The following TMCO1 variants were observed in gnomAD, a reference collection of about 807,000 sequenced individuals.
TMCO1 encodes calcium load-activated calcium channel.
In TMCO1, 29 loss-of-function variants were observed where a neutral mutation model predicts 29.3. The observed-to-expected ratio is 0.99, with a 90% CI of 0.74 to 1.35. The LOEUF is 1.35. Ranked by LOEUF, TMCO1 falls within the 40% of genes most tolerant of loss-of-function variation. The probability of loss-of-function intolerance (pLI) is 0.00; values close to 1 mark genes in which losing one functional copy is unlikely to be tolerated. For synonymous variants in TMCO1, 80 were observed against 77.1 expected, an observed-to-expected ratio of 1.04 and a Z score of -0.20; for missense variants, 173 against 225.5, an observed-to-expected ratio of 0.77 and a Z score of 1.49.
downstream of TMCO1, chr1:165,725,079 T>G (rs1327008393): frequency 2.5e-6 from 1 of 400,284 alleles, no homozygotes; most frequent in East Asian, 7.2e-5. Context: ...AGTATATTTT[T>G]GAGATTTTTC....
Position 165,768,737 on chromosome 1 carries a change from G to C in TMCO1, c.15C>G (p.Phe5Leu). The change falls in exon 1 of 7, where the codon TTC (phenylalanine) becomes TTG (leucine). Residue 5 changes from phenylalanine (F) to leucine (L), a missense_variant. Phe to Leu is a conservative substitution (Grantham distance 22). Coordinates refer to ENST00000367881, the MANE Select transcript of TMCO1 (RefSeq NM_019026.6). Reference protein sequence around the residue: MSTMFADTLLIVFIS... With the variant: MSTMLADTLLIVFIS... ...TAAAAACGATGAGGAGAGTGTCCGC[G>C]AACATAGTGCTCATCTCGCACCTTC... The C allele has an allele frequency of 6.2e-7, 1 of 1,614,134 alleles. No homozygotes were observed. The highest frequency in any genetic ancestry group is 8.5e-7 in the Non-Finnish European group (1 of 1,180,024).
chr1:165,765,555 T>C (rs986812859), intron 2 of TMCO1, among the ~76,000 whole-genome samples: 2 of 152,252 alleles, frequency 1.3e-5, no homozygotes, highest in East Asian at 3.8e-4. Context: ...GTGCTGGGAT[T>C]ACAGGCCTGA....
At chr1:165,730,234 G>T (rs987793760) in intron 6 of TMCO1, among the ~76,000 whole-genome samples, 2 of 151,844 alleles carry the variant, frequency 1.3e-5, no homozygotes, top group Non-Finnish European at 2.9e-5. Flanking sequence ...TACTCAGGAG[G>T]CTGAGGCAGG....
chr1:165,729,759 A>T (rs912698007), intron 6 of TMCO1, among the ~76,000 whole-genome samples: 3 of 152,222 alleles, frequency 2.0e-5, no homozygotes, highest in African/African-American at 7.2e-5. Context: ...CTAAATTAAG[A>T]GCACAGTTAG....
chr1:165,761,253 G>C (rs910662826), intron 2 of TMCO1, among the ~76,000 whole-genome samples: 9 of 152,088 alleles, frequency 5.9e-5, no homozygotes, highest in African/African-American at 1.7e-4. Flanking sequence ...GTAAGATACA[G>C]GCCAGGCATG....
chr1:165,727,115 G>A lies in TMCO1; in HGVS notation c.*908C>T. The A allele has an allele frequency of 2.2e-6, 1 of 453,960 alleles. No individual in the cohort carries two copies. The highest frequency in any genetic ancestry group is 4.4e-6 in the Non-Finnish European group (1 of 226,764). The allele number at this position is 453,960 out of a possible 1,614,324, so 28.1% of individuals were successfully genotyped here. ...ACAAACATCCTTCTCCCTTATGAAGGGGCATGGCAGAAAATGAAGGCTATT... is the reference window on the plus strand; with the variant it reads ...ACAAACATCCTTCTCCCTTATGAAGAGGCATGGCAGAAAATGAAGGCTATT... On this transcript the variant is annotated 3_prime_UTR_variant, in exon 7 of 7. Coordinates refer to ENST00000367881, the MANE Select transcript of TMCO1 (RefSeq NM_019026.6).
intron 6 of TMCO1, among the ~76,000 whole-genome samples, chr1:165,740,807 G>A (rs1031367513): frequency 1.3e-5 from 2 of 152,110 alleles, no homozygotes; most frequent in East Asian, 1.9e-4. Flanking sequence ...TCTGGTTCTC[G>A]CTCTTGCCTT....
chr1:165,734,425 A>G (rs1047903966), intron 6 of TMCO1, among the ~76,000 whole-genome samples: 1 of 152,178 alleles, frequency 6.6e-6, no homozygotes, highest in African/African-American at 2.4e-5. Flanking sequence ...AAGAGGGTTG[A>G]CTAGATCAAT....
intron 3 of TMCO1, among the ~76,000 whole-genome samples, chr1:165,755,813 A>G (rs1652172724): frequency 6.6e-6 from 1 of 152,170 alleles, no homozygotes; most frequent in Admixed American, 6.5e-5. Flanking sequence ...ATGAAGATTT[A>G]TAACACCCTC....
At chr1:165,757,537 C>G (rs1652240252) in intron 3 of TMCO1, among the ~76,000 whole-genome samples, 1 of 152,218 alleles carries the variant, frequency 6.6e-6, no homozygotes, top group African/African-American at 2.4e-5. Context: ...GCTCTTGTTG[C>G]CCAGTCTGGA....
At chr1:165,757,694 C>T (rs1406694646) in intron 3 of TMCO1, among the ~76,000 whole-genome samples, 8 of 152,178 alleles carry the variant, frequency 5.3e-5, no homozygotes, top group Non-Finnish European at 1.2e-4. Flanking sequence ...GACGGGGTTT[C>T]GCCATGTTGG....
chr1:165,766,620 T>G (rs1035685739), intron 2 of TMCO1, among the ~76,000 whole-genome samples: 1 of 151,836 alleles, frequency 6.6e-6, no homozygotes, highest in Non-Finnish European at 1.5e-5. Context: ...AGACCTCATC[T>G]CTCCAAAATA....
intron 2 of TMCO1, among the ~76,000 whole-genome samples, chr1:165,763,680 C>T (rs1170646428): frequency 2.6e-5 from 4 of 152,132 alleles, no homozygotes; most frequent in Non-Finnish European, 5.9e-5. Context: ...ATGCAGTGGC[C>T]CAATCTCCCC....
rs1652680211 is a variant in TMCO1 at position 165,768,760 on chromosome 1, T to G, written c.-9A>C. The G allele has an allele frequency of 1.2e-6, 2 of 1,613,940 alleles. No homozygotes were observed. Among genetic ancestry groups the G allele is most frequent in the Non-Finnish European group, 1.7e-6 (2 of 1,180,008 alleles). Reference sequence around the variant, plus strand: ...GCGAACATAGTGCTCATCTCGCACCTTCGTCTCTGCACTCTCACCCGCCAG... The same window carrying G: ...GCGAACATAGTGCTCATCTCGCACCGTCGTCTCTGCACTCTCACCCGCCAG... On this transcript the variant is annotated 5_prime_UTR_variant, in exon 1 of 7. Coordinates refer to ENST00000367881, the MANE Select transcript of TMCO1 (RefSeq NM_019026.6).
chr1:165,746,287 C>T (rs147317865), intron 5 of TMCO1, among the ~76,000 whole-genome samples: 50 of 140,382 alleles, frequency 3.6e-4, no homozygotes, highest in African/African-American at 1.0e-3. Flanking sequence ...CCAGCCTGGG[C>T]GACAGAGCTA....
chr1:165,754,319 C>T (rs778954910), intron 3 of TMCO1, 45 bp from the exon 4 acceptor site: 2 of 1,481,086 alleles, frequency 1.4e-6, no homozygotes, highest in South Asian at 1.1e-5. Context: ...ATGCTGAGCA[C>T]AAAGCAGCTG....
At chr1:165,731,397 A>C (rs897448293) in intron 6 of TMCO1, among the ~76,000 whole-genome samples, 18 of 152,380 alleles carry the variant, frequency 1.2e-4, no homozygotes, top group Admixed American at 9.8e-4. Flanking sequence ...TGAAACAGTA[A>C]GACATACAGA....
chr1:165,768,785 G>T lies in TMCO1; in HGVS notation c.-34C>A, dbSNP rs201934474. On this transcript the variant is annotated 5_prime_UTR_variant, in exon 1 of 7. In the 5' UTR this introduces an upstream ATG that the reference lacks. Transcript: ENST00000367881. ...TTCGTCTCTGCACTCTCACCCGCCA[G>T]GGGGAAAGCGCTCTACAGCCAGGAA... 6.2e-7 allele frequency: 1 copy of T among 1,613,898 alleles called. No individual in the cohort carries two copies. Among genetic ancestry groups the T allele is most frequent in the Non-Finnish European group, 8.5e-7 (1 of 1,179,910 alleles).
intron 3 of TMCO1, among the ~76,000 whole-genome samples, chr1:165,755,890 A>G (rs1241724132): frequency 1.3e-5 from 2 of 152,166 alleles, no homozygotes; most frequent in Admixed American, 1.3e-4. Flanking sequence ...TGACATAAAA[A>G]GATCAGCTGG....
Sources: gnomAD v4.1 joint callset for allele counts (sites outside exome capture counted in the v4.1 genomes callset) on GRCh38, gnomAD v4.1.1 for gene constraint, MANE v1.5 for transcripts, NCBI Gene and HGNC (gene_info 2026-07-23, HGNC 2026-07-21) for gene names.